The following TAF1 variants were observed in gnomAD, a reference collection of about 807,000 sequenced individuals.
TAF1 encodes the protein transcription initiation factor TFIID subunit 1.
A neutral mutation model predicts 138.5 loss-of-function variants in TAF1; 2 were observed. The ratio of observed to expected loss-of-function variants is 0.01; its 90% CI spans 0.01 to 0.05. The LOEUF (loss-of-function observed/expected upper bound fraction) is 0.05. Ranked by LOEUF, TAF1 falls within the 10% of genes least tolerant of loss-of-function variation. TAF1 has a pLI of 1.00. For synonymous variants in TAF1, 437 were observed against 503.2 expected (o/e 0.87, Z 1.76); for missense variants, 709 against 1,478.0 (o/e 0.48, Z 8.53).
chrX:71,442,475 G>A (rs1247846847), intron 32 of TAF1, among the ~76,000 whole-genome samples: 5 of 112,273 alleles, frequency 4.5e-5, no homozygotes, highest in Non-Finnish European at 7.5e-5. Flanking sequence ...TTTTGAAAGT[G>A]TCTGTTCATA....
At chrX:71,402,256 C>T (rs536071175) in intron 25 of TAF1, among the ~76,000 whole-genome samples, 5 of 111,498 alleles carry the variant, frequency 4.5e-5, no homozygotes, top group East Asian at 2.8e-4. Context: ...TACAGGCGCA[C>T]GCCACCACGC....
At chrX:71,428,356 G>T (rs1008794733) in intron 32 of TAF1, among the ~76,000 whole-genome samples, 6 of 111,316 alleles carry the variant, frequency 5.4e-5, no homozygotes, top group Non-Finnish European at 1.1e-4. Flanking sequence ...TGAGATTTCT[G>T]GAAAGCTATT....
chrX:71,479,478 A>G (rs1047771697), intron 13 of TAF1, among the ~76,000 whole-genome samples: 7 of 111,545 alleles, frequency 6.3e-5, no homozygotes, highest in Non-Finnish European at 1.3e-4. Flanking sequence ...AGGCTGAGAC[A>G]GGAGAATCTC....
chrX:71,394,279 G>A, intron 22 of TAF1, 34 bp downstream of exon 22: 1 of 1,166,593 alleles, frequency 8.6e-7, no homozygotes, highest in Non-Finnish European at 1.1e-6. Flanking sequence ...AGATAAAAAA[G>A]AGAAGGGTTA....
In TAF1 at chrX:71,420,523, C is replaced by T. The variant is rs2036274135; in HGVS notation, c.4385-786C>T. 3.3e-6 allele frequency: 4 copies of T among 1,206,049 alleles called. No homozygotes were observed. In the Admixed American group the frequency reaches 6.5e-5, roughly 20 times the overall value. ...TCCATCTTCTCCTCAATGACATGAT[C>T]ACTGGGCCAGCATTTCCTGGAGGTG... On this transcript the variant is annotated intron_variant, in intron 28 of 37. Coordinates refer to ENST00000423759, the MANE Select transcript of TAF1 (RefSeq NM_004606.5).
chrX:71,368,322 C>G (rs1450084316), intron 3 of TAF1, 152 bp downstream of exon 3: 12 of 503,532 alleles, frequency 2.4e-5, no homozygotes, highest in African/African-American at 2.2e-4. Flanking sequence ...CAGGTCAGTT[C>G]CAAGTAGCTG....
chrX:71,384,196 T>A (rs2034071340), intron 13 of TAF1, 61 bp downstream of exon 13: 1 of 1,146,666 alleles, frequency 8.7e-7, no homozygotes, highest in Non-Finnish European at 1.2e-6. Context: ...TTCCATAAAC[T>A]TTTATGTACA....
At chrX:71,505,239 G>A (rs1335301288) in intron 13 of TAF1, among the ~76,000 whole-genome samples, 2 of 111,541 alleles carry the variant, frequency 1.8e-5, no homozygotes, top group African/African-American at 3.3e-5. Flanking sequence ...TAATGCAGAA[G>A]GATTCCAAGT....
In TAF1 at chrX:71,375,224, C is replaced by T. The variant is rs1192438562; in HGVS notation, c.410C>T (p.Pro137Leu). 1 of 1,210,569 alleles carries T rather than the reference C, an allele frequency of 8.3e-7. No individual in the cohort carries two copies. Among genetic ancestry groups the T allele is most frequent in the South Asian group, 1.8e-5 (1 of 56,871 alleles). Reference protein sequence around the residue: ...DCEDIDCKLMPPPPPPPGPMK... With the variant: ...DCEDIDCKLMLPPPPPPGPMK... ...GAAGACATTGATTGCAAGTTGATGC[C>T]TCCTCCACCTCCACCCCCGGGACCA... Residue 137 changes from proline to leucine, a missense_variant, in exon 4 of 38, where the codon CCT (proline) becomes CTT (leucine). Physicochemically the swap from Pro to Leu is moderately conservative, Grantham distance 98. Around this residue, in one of 14 missense-constraint regions of TAF1, gnomAD observed 123 missense variants for 161.6 expected, o/e 0.76. Coordinates refer to ENST00000423759, the MANE Select transcript of TAF1 (RefSeq NM_004606.5).
At chrX:71,493,581 A>G (rs145756978) in intron 13 of TAF1, among the ~76,000 whole-genome samples, 287 of 112,673 alleles carry the variant, frequency 2.5e-3, no homozygotes, top group African/African-American at 8.9e-3. Context: ...TGTTCTGTAG[A>G]AGCGCTTTGC....
At chrX:71,467,449 CTG>C (rs767375650), downstream of TAF1, among the ~76,000 whole-genome samples, 9 of 111,577 alleles carry the variant, frequency 8.1e-5, no homozygotes, top group Admixed American at 8.6e-4. Flanking sequence ...TTGAGTTTAT[CTG>C]TGCTTATTTC....
intron 28 of TAF1, among the ~76,000 whole-genome samples, chrX:71,409,373 C>G (rs1477693752): frequency 9.0e-6 from 1 of 110,579 alleles, no homozygotes; most frequent in East Asian, 2.8e-4. Context: ...ACCGATCTTG[C>G]CCACCTCGGC....
At chrX:71,495,516 C>T (rs1047817368) in intron 13 of TAF1, among the ~76,000 whole-genome samples, 4 of 111,445 alleles carry the variant, frequency 3.6e-5, no homozygotes, top group Non-Finnish European at 7.5e-5. Context: ...TCATACTATC[C>T]CTGACTGGTT....
intron 24 of TAF1, among the ~76,000 whole-genome samples, chrX:71,399,253 CTTTTTTTTTT>C (rs1159549890): frequency 2.8e-5 from 2 of 70,348 alleles, no homozygotes; most frequent in South Asian, 6.8e-4. Flanking sequence ...CATTTATTCT[CTTTTTTTTTT>C]TTTTTTTTTT....
Position 71,367,616 on chromosome X carries a change from G to A in TAF1, c.235+3G>A, listed in dbSNP as rs368024152. On this transcript the variant is annotated splice_donor_region_variant and intron_variant, in intron 2 of 37. Transcript: ENST00000423759. Reference sequence around the variant, plus strand: ...CGGTGCCTTGGTAAATGATGAAGGTGAAGTCTGGGTTGTGGGGAGTAGGCG... The same window carrying A: ...CGGTGCCTTGGTAAATGATGAAGGTAAAGTCTGGGTTGTGGGGAGTAGGCG... 326 of 1,209,172 alleles carry A rather than the reference G, an allele frequency of 2.7e-4. No homozygotes were observed. The highest frequency in any genetic ancestry group is 3.5e-4 in the Non-Finnish European group (312 of 894,751).
intron 13 of TAF1, among the ~76,000 whole-genome samples, chrX:71,506,382 T>TA (rs777197499): frequency 1.1e-3 from 89 of 78,518 alleles, no homozygotes; most frequent in East Asian, 4.2e-3. Context: ...AGACCTCATC[T>TA]AAAAAAAAAA....
At chrX:71,428,749 T>C (rs1006927363) in intron 32 of TAF1, among the ~76,000 whole-genome samples, 10 of 112,142 alleles carry the variant, frequency 8.9e-5, no homozygotes, top group Non-Finnish European at 1.9e-4. Flanking sequence ...CCTAATAAGC[T>C]CTTTTTTGGA....
intron 17 of TAF1, among the ~76,000 whole-genome samples, chrX:71,389,305 G>T (rs2034425018): frequency 8.9e-6 from 1 of 111,952 alleles, no homozygotes; most frequent in African/African-American, 3.2e-5. Flanking sequence ...TGACAGCACA[G>T]CTCTGTCCCA....
intron 3 of TAF1, chrX:71,368,640 TC>T: frequency 9.3e-6 from 1 of 107,765 alleles, no homozygotes; most frequent in African/African-American, 3.4e-5. Flanking sequence ...TATGGAGAAA[TC>T]CCGTTTACTA....
Sources: gnomAD v4.1 joint callset for allele counts (sites outside exome capture counted in the v4.1 genomes callset) on GRCh38, gnomAD v4.1.1 for gene constraint, gnomAD v4.1.1 regional missense constraint, MANE v1.5 for transcripts, NCBI Gene and HGNC (gene_info 2026-07-23, HGNC 2026-07-21) for gene names.